Variants in SPOPL observed in about 807,000 individuals in gnomAD.
The protein encoded by SPOPL is speckle-type POZ protein-like.
SPOPL carries 23 observed loss-of-function variants against 53.8 expected under a neutral mutation model. The observed-to-expected ratio is 0.43, with a 90% CI of 0.31 to 0.61. The LOEUF is 0.61. Among genes scored for constraint, SPOPL ranks in the 20% least tolerant of loss-of-function variants. The pLI is 0.12. For synonymous variants in SPOPL, 164 were observed against 149.7 expected, an observed-to-expected ratio of 1.10 and a Z score of -0.70; for missense variants, 442 against 466.9, an observed-to-expected ratio of 0.95 and a Z score of 0.49.
chr2:138,548,302 T>G (rs1459983618), intron 1 of SPOPL, among the ~76,000 whole-genome samples: 2 of 151,306 alleles, frequency 1.3e-5, no homozygotes, highest in Middle Eastern at 3.2e-3. Context: ...CTCATCATTT[T>G]TGTGTGTGTG....
intron 1 of SPOPL, among the ~76,000 whole-genome samples, chr2:138,540,276 T>C (rs1360300483): frequency 6.6e-6 from 1 of 152,264 alleles, no homozygotes; most frequent in African/African-American, 2.4e-5. Context: ...TTTCCAATTC[T>C]GTGAAGAAAG....
At chr2:138,516,868 T>G (rs1363136288) in intron 1 of SPOPL, among the ~76,000 whole-genome samples, 2 of 152,226 alleles carry the variant, frequency 1.3e-5, no homozygotes, top group Admixed American at 6.5e-5. Context: ...CAGTTCTGGT[T>G]TATCTGCTTT....
At chr2:138,527,452 C>G (rs1684699834) in intron 1 of SPOPL, among the ~76,000 whole-genome samples, 1 of 152,020 alleles carries the variant, frequency 6.6e-6, no homozygotes, top group Non-Finnish European at 1.5e-5. Flanking sequence ...CTTTTATTTT[C>G]TATTAATGCA....
intron 1 of SPOPL, among the ~76,000 whole-genome samples, chr2:138,531,342 A>G (rs536600841): frequency 1.3e-5 from 2 of 152,204 alleles, no homozygotes; most frequent in East Asian, 3.9e-4. Context: ...AAGAATGCTA[A>G]AACCTTAGAA....
rs115042281 is a variant in SPOPL at position 138,533,757 on chromosome 2, C to T, written c.-60-16400C>T. 8.6e-4 allele frequency among the ~76,000 whole-genome samples: 131 copies of T among 152,168 alleles called. 1 individual carries two copies. The Middle Eastern group carries it at 0.014, about 16-fold the overall frequency. On this transcript the variant is annotated intron_variant, in intron 1 of 10. Transcript: ENST00000280098. ...GACCTCAGGCAGTATTTTGTTATAA[C>T]ATCCTGAAGCAGTTCAGAGGACTTT...
intron 1 of SPOPL, among the ~76,000 whole-genome samples, chr2:138,537,190 C>T (rs11688533): frequency 0.49 from 74,105 of 151,984 alleles, 22,091 homozygotes; most frequent in Non-Finnish European, 0.67. Flanking sequence ...CCTCAGACAC[C>T]GAGTTGAGGA....
chr2:138,516,583 G>C (rs1476829574), intron 1 of SPOPL, among the ~76,000 whole-genome samples: 1 of 152,088 alleles, frequency 6.6e-6, no homozygotes, highest in Non-Finnish European at 1.5e-5. Context: ...CCAAGGTGAT[G>C]ATAGAAATAG....
At position 138,550,245 on chromosome 2, in the gene SPOPL, C is replaced by T; in HGVS notation, c.29C>T (p.Pro10Leu). 6.2e-7 allele frequency: 1 copy of T among 1,613,610 alleles called. No homozygotes were observed. MSREPTPPL[P>L]GDMSTGPIAE... ...TCTCGGGAACCCACCCCACCTCTACCTGGAGATATGTCTACTGGTCCCATA... is the reference window on the plus strand; with the variant it reads ...TCTCGGGAACCCACCCCACCTCTACTTGGAGATATGTCTACTGGTCCCATA... Residue 10 changes from proline to leucine, a missense_variant, in exon 2 of 11, where the codon CCT becomes CTT. Pro to Leu is a moderately conservative substitution (Grantham distance 98). Transcript: ENST00000280098.
intron 1 of SPOPL, among the ~76,000 whole-genome samples, chr2:138,537,160 CCAAA>C (rs779836610): frequency 2.6e-4 from 40 of 152,174 alleles, no homozygotes; most frequent in Admixed American, 5.9e-4. Context: ...GCAGCATGAG[CCAAA>C]CAAACAAACA....
chr2:138,549,911 A>T (rs965511286), intron 1 of SPOPL, among the ~76,000 whole-genome samples: 3 of 152,040 alleles, frequency 2.0e-5, no homozygotes, highest in Non-Finnish European at 4.4e-5. Flanking sequence ...AAAATTTGTG[A>T]TTTTTTGGAG....
chr2:138,560,781 T>C, intron 7 of SPOPL, 24 bp from the exon 8 acceptor site: 1 of 1,569,732 alleles, frequency 6.4e-7, no homozygotes, highest in East Asian at 2.3e-5. Flanking sequence ...TTTTTAACAT[T>C]TTTGTGTTGT....
chr2:138,549,970 G>C (rs1685278598), intron 1 of SPOPL, among the ~76,000 whole-genome samples, 187 bp from the exon 2 acceptor site: 2 of 152,018 alleles, frequency 1.3e-5, no homozygotes, highest in Admixed American at 6.6e-5. Context: ...AGTTTGTTTA[G>C]ATTTCAAGTG....
intron 1 of SPOPL, among the ~76,000 whole-genome samples, chr2:138,531,251 T>G (rs756848001): frequency 1.4e-4 from 21 of 152,100 alleles, no homozygotes; most frequent in Non-Finnish European, 2.4e-4. Context: ...TCTTTTCTTG[T>G]AGTGGTTACT....
intron 10 of SPOPL, among the ~76,000 whole-genome samples, chr2:138,567,388 T>C (rs908299120): frequency 8.0e-6 from 1 of 125,138 alleles, no homozygotes; most frequent in African/African-American, 3.3e-5. Context: ...TGTGTGTGTG[T>C]GTGTGTGTGT....
chr2:138,523,865 T>C (rs960569218), intron 1 of SPOPL, among the ~76,000 whole-genome samples: 7 of 152,180 alleles, frequency 4.6e-5, no homozygotes, highest in Non-Finnish European at 1.0e-4. Flanking sequence ...AGGCTGTTGT[T>C]GAGTGTCTGC....
At chr2:138,542,682 T>A (rs1166214330) in intron 1 of SPOPL, among the ~76,000 whole-genome samples, 1 of 152,228 alleles carries the variant, frequency 6.6e-6, no homozygotes, top group Admixed American at 6.5e-5. Context: ...GTCTTGACTC[T>A]TTATCCAGTT....
At chr2:138,537,003 A>G (rs1465070726) in intron 1 of SPOPL, among the ~76,000 whole-genome samples, 1 of 152,200 alleles carries the variant, frequency 6.6e-6, no homozygotes, top group Admixed American at 6.5e-5. Flanking sequence ...TTACAAGCCA[A>G]GACAGCAGTG....
intron 10 of SPOPL, among the ~76,000 whole-genome samples, chr2:138,568,418 G>T (rs756041185): frequency 6.6e-6 from 1 of 152,084 alleles, no homozygotes; most frequent in Non-Finnish European, 1.5e-5. Flanking sequence ...CTGAATTTAT[G>T]GGTCTTGAGG....
rs1439617276 is a variant in SPOPL, at chr2:138,571,355, C to G, written c.*2275C>G. 1 of 152,254 alleles carries G rather than the reference C, an allele frequency of 6.6e-6. No individual in the cohort carries two copies. The highest frequency in any genetic ancestry group is 6.6e-5 in the Admixed American group (1 of 15,214). 9.4% of individuals were successfully genotyped at this position (152,254 alleles called of 1,614,324 possible). On this transcript the variant is annotated 3_prime_UTR_variant, in exon 11 of 11. Coordinates refer to ENST00000280098, the MANE Select transcript of SPOPL (RefSeq NM_001001664.3). ...ACATTTCAGCTTCTTCTTACTTACT[C>G]GAGAGTTTATTGCAAATCTTAAGGA... is the stretch of plus-strand genomic sequence containing the variant.
Sources: gnomAD v4.1 joint callset for allele counts (sites outside exome capture counted in the v4.1 genomes callset) on GRCh38, gnomAD v4.1.1 for gene constraint, MANE v1.5 for transcripts, NCBI Gene and HGNC (gene_info 2026-07-23, HGNC 2026-07-21) for gene names.